Variants in BMP5 observed in about 807,000 individuals in gnomAD.
The protein encoded by BMP5 is bone morphogenetic protein 5.
A neutral mutation model predicts 46.6 loss-of-function variants in BMP5; 23 were observed. The observed-to-expected ratio is 0.49, with a 90% CI of 0.35 to 0.70. The LOEUF (loss-of-function observed/expected upper bound fraction) is 0.70. Ranked by LOEUF, BMP5 falls within the 30% of genes least tolerant of loss-of-function variation. BMP5 has a pLI of 0.00. For missense variants in BMP5, 545 were observed against 565.6 expected, an observed-to-expected ratio of 0.96 and a Z score of 0.37; for synonymous variants, 204 against 191.9, an observed-to-expected ratio of 1.06 and a Z score of -0.52.
At chr6:55,764,719 T>TAAA (rs530066820) in intron 4 of BMP5, among the ~76,000 whole-genome samples, 2 of 124,950 alleles carry the variant, frequency 1.6e-5, no homozygotes, top group East Asian at 2.3e-4. Flanking sequence ...ATGTGTAAGC[T>TAAA]AAAAAAAAAA....
At chr6:55,760,915 A>T (rs1774760351) in intron 4 of BMP5, among the ~76,000 whole-genome samples, 1 of 151,922 alleles carries the variant, frequency 6.6e-6, no homozygotes, top group African/African-American at 2.4e-5. Context: ...TATATATATA[A>T]TATTTGTGCA....
intron 5 of BMP5, 56 bp from the exon 6 acceptor site, chr6:55,759,171 A>AAAAAAAAAAAAAAAAAAAAAAAC: frequency 1.2e-6 from 1 of 829,908 alleles, no homozygotes; most frequent in Non-Finnish European, 1.8e-6. Context: ...AAAAAAAAAA[A>AAAAAAAAAAAAAAAAAAAAAAAC]AAAAAAAAAA....
At chr6:55,798,421 G>A (rs1251386283) in intron 2 of BMP5, among the ~76,000 whole-genome samples, 1 of 152,144 alleles carries the variant, frequency 6.6e-6, no homozygotes, top group Non-Finnish European at 1.5e-5. Flanking sequence ...TATCAAGACT[G>A]AGAGGTTTTC....
At chr6:55,832,128 A>C (rs895186902) in intron 1 of BMP5, among the ~76,000 whole-genome samples, 1 of 152,174 alleles carries the variant, frequency 6.6e-6, no homozygotes, top group East Asian at 1.9e-4. Flanking sequence ...AAAGACTTGA[A>C]CTGTACCTAC....
At chr6:55,773,984 A>C (rs2127521127) in intron 4 of BMP5, 65 bp downstream of exon 4, 2 of 1,539,104 alleles carry the variant, frequency 1.3e-6, no homozygotes, top group East Asian at 4.5e-5. Context: ...TATTGTGGCT[A>C]CTTGATTTGC....
At chr6:55,816,646 C>G (rs1776277151) in intron 2 of BMP5, among the ~76,000 whole-genome samples, 1 of 152,162 alleles carries the variant, frequency 6.6e-6, no homozygotes, top group Admixed American at 6.6e-5. Context: ...CTTCAAATTA[C>G]TGCTGTTAAA....
intron 1 of BMP5, among the ~76,000 whole-genome samples, chr6:55,821,625 G>A (rs1776411970): frequency 6.6e-6 from 1 of 152,102 alleles, no homozygotes; most frequent in African/African-American, 2.4e-5. Context: ...TCCATTTCCA[G>A]AGAGATTATT....
At chr6:55,772,540 A>T (rs902191696) in intron 4 of BMP5, among the ~76,000 whole-genome samples, 7 of 152,114 alleles carry the variant, frequency 4.6e-5, no homozygotes, top group African/African-American at 1.7e-4. Context: ...AAAGAAAAAT[A>T]TACAAGTTTG....
At chr6:55,799,190 C>A (rs1189395620) in intron 2 of BMP5, among the ~76,000 whole-genome samples, 1 of 152,036 alleles carries the variant, frequency 6.6e-6, no homozygotes, top group Non-Finnish European at 1.5e-5. Context: ...AGACCAAGTG[C>A]AATACTTTGA....
At chr6:55,853,471 G>A (rs1396428881) in intron 1 of BMP5, among the ~76,000 whole-genome samples, 2 of 151,800 alleles carry the variant, frequency 1.3e-5, no homozygotes, top group Non-Finnish European at 2.9e-5. Flanking sequence ...AAGCCCCTCT[G>A]GGTTCAGGAA....
intron 2 of BMP5, among the ~76,000 whole-genome samples, chr6:55,799,211 G>C (rs1775786535): frequency 6.6e-6 from 1 of 152,186 alleles, no homozygotes. Context: ...ATATCTATCT[G>C]GTTAAGAGGT....
At chr6:55,827,651 G>A (rs1294835100) in intron 1 of BMP5, among the ~76,000 whole-genome samples, 4 of 151,576 alleles carry the variant, frequency 2.6e-5, no homozygotes, top group Non-Finnish European at 5.9e-5. Context: ...TTTATTATGA[G>A]CATTTTAGAA....
At chr6:55,772,745 T>G in intron 4 of BMP5, 1 of 985,056 alleles carries the variant, frequency 1.0e-6, no homozygotes, top group Non-Finnish European at 1.2e-6. Flanking sequence ...TTTTAAAACA[T>G]CACCTTATAA....
chr6:55,808,205 C>T (rs6927700), intron 2 of BMP5, among the ~76,000 whole-genome samples: 30,477 of 152,104 alleles, frequency 0.2, 3,172 homozygotes, highest in Non-Finnish European at 0.23. Flanking sequence ...TGCAGGAAGG[C>T]CCTGCCCAGT....
chr6:55,818,061 C>T (rs889610340), intron 2 of BMP5, among the ~76,000 whole-genome samples: 5 of 152,164 alleles, frequency 3.3e-5, no homozygotes, highest in African/African-American at 9.7e-5. Context: ...GTAAACCATA[C>T]TGTGATAACA....
chr6:55,821,833 A>T (rs1776416433), intron 1 of BMP5, among the ~76,000 whole-genome samples: 1 of 152,148 alleles, frequency 6.6e-6, no homozygotes, highest in Non-Finnish European at 1.5e-5. Flanking sequence ...CTGCTACCTA[A>T]GTAGCTAGTA....
chr6:55,855,375 A>G (rs904646032), intron 1 of BMP5, among the ~76,000 whole-genome samples: 9 of 151,814 alleles, frequency 5.9e-5, no homozygotes, highest in Non-Finnish European at 8.8e-5. Flanking sequence ...ACAGAGCAAG[A>G]TCCTCTCTCA....
rs116945567 is a variant in BMP5 at position 55,835,664 on chromosome 6, T to C, written c.491-15817A>G. Among the ~76,000 whole-genome samples, 36 of 152,312 alleles carry C rather than the reference T, an allele frequency of 2.4e-4. No individual in the cohort carries two copies. The East Asian group carries it at 6.7e-3, about 29-fold the overall frequency. Reference sequence around the variant, plus strand: ...ATGGTCCTACTTTTCCTTCTCCCTCTGTCTGAGGCTTGGATTATGTTCAAT... The same window carrying C: ...ATGGTCCTACTTTTCCTTCTCCCTCCGTCTGAGGCTTGGATTATGTTCAAT... On this transcript the variant is annotated intron_variant, in intron 1 of 6. Transcript: ENST00000370830.
chr6:55,872,635 C>T (rs1777811952), intron 1 of BMP5, among the ~76,000 whole-genome samples: 1 of 151,712 alleles, frequency 6.6e-6, no homozygotes, highest in South Asian at 2.1e-4. Flanking sequence ...CATGCTTACA[C>T]TTCTCTTGTG....
Sources: allele counts gnomAD v4.1 joint callset (sites outside exome capture counted in the v4.1 genomes callset), GRCh38; gene constraint gnomAD v4.1.1; transcripts MANE v1.5; gene names NCBI Gene and HGNC (gene_info 2026-07-23, HGNC 2026-07-21).